DLGAP2: variants seen among roughly 807,000 people sequenced by gnomAD.
DLGAP2 encodes DLG associated protein 2, also known as disks large-associated protein 2.
In DLGAP2, 26 loss-of-function variants were observed where a neutral mutation model predicts 100.3. The observed-to-expected ratio is 0.26, with a 90% CI of 0.19 to 0.36. DLGAP2 has a LOEUF of 0.36. DLGAP2 is among the 10% of genes least tolerant of loss of function. DLGAP2 has a pLI of 1.00. For synonymous variants in DLGAP2, 886 were observed against 630.1 expected, an observed-to-expected ratio of 1.41 and a Z score of -6.08; for missense variants, 1,858 against 1,453.2, an observed-to-expected ratio of 1.28 and a Z score of -4.53.
At chr8:1,495,058 T>A (rs111289434) in intron 3 of DLGAP2, among the ~76,000 whole-genome samples, 1 of 152,178 alleles carries the variant, frequency 6.6e-6, no homozygotes, top group Non-Finnish European at 1.5e-5. Context: ...TAATGAGGCA[T>A]TGCCAGGACC....
chr8:1,092,036 G>A (rs1380742705), intron 2 of DLGAP2, among the ~76,000 whole-genome samples: 2 of 152,226 alleles, frequency 1.3e-5, no homozygotes, highest in Non-Finnish European at 2.9e-5. Context: ...AGAGAGCAGC[G>A]TGTTTGAACT....
intron 1 of DLGAP2, among the ~76,000 whole-genome samples, chr8:844,845 C>G (rs577585822): frequency 5.9e-4 from 90 of 152,290 alleles, no homozygotes; most frequent in African/African-American, 1.9e-3. Flanking sequence ...TGCCTCCTCC[C>G]CAGGCCAGGC....
chr8:1,119,325 C>A (rs1029162468), intron 2 of DLGAP2, among the ~76,000 whole-genome samples: 4 of 152,206 alleles, frequency 2.6e-5, no homozygotes, highest in Non-Finnish European at 5.9e-5. Flanking sequence ...TAGTGTCCAG[C>A]GTGTTTAGCT....
intron 2 of DLGAP2, among the ~76,000 whole-genome samples, chr8:1,182,772 G>A (rs915292712): frequency 2.6e-5 from 4 of 152,196 alleles, no homozygotes; most frequent in Admixed American, 6.5e-5. Context: ...CGAGTCCAGC[G>A]CGCATGTGAG....
chr8:1,049,816 G>T (rs766201511), intron 2 of DLGAP2, among the ~76,000 whole-genome samples: 1 of 152,178 alleles, frequency 6.6e-6, no homozygotes, highest in Non-Finnish European at 1.5e-5. Context: ...GTGTGCATAC[G>T]TGTACACATA....
intron 3 of DLGAP2, among the ~76,000 whole-genome samples, chr8:1,452,292 G>A (rs1798184605): frequency 1.3e-5 from 2 of 152,226 alleles, no homozygotes; most frequent in South Asian, 4.1e-4. Context: ...TGGGCGCTCT[G>A]TTGCACAGTG....
At chr8:1,085,186 C>T (rs935517634) in intron 2 of DLGAP2, among the ~76,000 whole-genome samples, 2 of 152,188 alleles carry the variant, frequency 1.3e-5, no homozygotes, top group African/African-American at 4.8e-5. Flanking sequence ...TGTTCAGGTA[C>T]CTTGCCCATT....
intron 1 of DLGAP2, among the ~76,000 whole-genome samples, chr8:828,694 G>A (rs1008508682): frequency 2.0e-5 from 3 of 152,172 alleles, no homozygotes; most frequent in African/African-American, 7.2e-5. Flanking sequence ...TACTGATTGG[G>A]GAAGTGATAA....
intron 1 of DLGAP2, among the ~76,000 whole-genome samples, chr8:901,559 G>A (rs775092863): frequency 5.3e-5 from 8 of 152,202 alleles, no homozygotes; most frequent in Non-Finnish European, 1.0e-4. Context: ...AAATGATCAC[G>A]GTGAGATGTG....
intron 7 of DLGAP2, among the ~76,000 whole-genome samples, chr8:1,628,542 C>G (rs1797565425): frequency 6.6e-6 from 1 of 151,132 alleles, no homozygotes; most frequent in Admixed American, 6.6e-5. Context: ...CACATTCTGT[C>G]TGACTTACTG....
chr8:850,177 C>G (rs1199208206), intron 1 of DLGAP2, among the ~76,000 whole-genome samples: 2 of 152,154 alleles, frequency 1.3e-5, no homozygotes, highest in Admixed American at 1.3e-4. Flanking sequence ...ATATCTCCCC[C>G]ACCTTTGCGT....
At chr8:1,539,013 G>A (rs1323399046) in intron 4 of DLGAP2, among the ~76,000 whole-genome samples, 1 of 151,536 alleles carries the variant, frequency 6.6e-6, no homozygotes, top group East Asian at 1.9e-4. Context: ...GGCCTCCTGA[G>A]TAGCTGGGAT....
chr8:1,235,409 C>A (rs1239098250), intron 2 of DLGAP2, among the ~76,000 whole-genome samples: 1 of 151,516 alleles, frequency 6.6e-6, no homozygotes, highest in East Asian at 2.0e-4. Flanking sequence ...TTCTCTCTCA[C>A]GTGGCATCGT....
intron 3 of DLGAP2, among the ~76,000 whole-genome samples, chr8:1,418,680 C>A (rs2129923638): frequency 6.6e-6 from 1 of 152,254 alleles, no homozygotes; most frequent in South Asian, 2.1e-4. Context: ...CACGCCAATA[C>A]TTCTGGCCAC....
At chr8:1,357,511 T>C (rs1038443154) in intron 3 of DLGAP2, among the ~76,000 whole-genome samples, 5 of 151,946 alleles carry the variant, frequency 3.3e-5, no homozygotes, top group African/African-American at 1.2e-4. Context: ...AGAATATTAA[T>C]ACCATCTGTA....
At chr8:1,601,470 C>T (rs897289820) in intron 6 of DLGAP2, among the ~76,000 whole-genome samples, 5 of 152,214 alleles carry the variant, frequency 3.3e-5, no homozygotes, top group Non-Finnish European at 7.3e-5. Flanking sequence ...AAGCTGCACC[C>T]ACAGCCGCCC....
chr8:1,616,310 T>C lies in DLGAP2; in HGVS notation c.1443-10430T>C, dbSNP rs899207443. 3.9e-5 allele frequency among the ~76,000 whole-genome samples: 6 copies of C among 152,118 alleles called. No homozygotes were observed. The South Asian group carries it at 1.2e-3, about 32-fold the overall frequency. ...ATAATTAGAGAACCAGGGAGAAAACTGAGAGAATTTGGCAGAAGGTTTTGA... is the reference window on the plus strand; with the variant it reads ...ATAATTAGAGAACCAGGGAGAAAACCGAGAGAATTTGGCAGAAGGTTTTGA... On this transcript the variant is annotated intron_variant, in intron 6 of 14. Coordinates refer to ENST00000637795, the MANE Select transcript of DLGAP2 (RefSeq NM_001346810.2).
intron 2 of DLGAP2, among the ~76,000 whole-genome samples, chr8:1,243,637 T>C (rs1325484604): frequency 1.3e-5 from 2 of 152,126 alleles, no homozygotes; most frequent in African/African-American, 4.8e-5. Flanking sequence ...CTAAAGAGGA[T>C]TCATGGCACG....
rs189221329 is a variant in DLGAP2, at chr8:1,630,098, C to T, written c.1591-2729C>T. Among the ~76,000 whole-genome samples, 223 of 152,042 alleles carry T rather than the reference C, an allele frequency of 1.5e-3. 2 individuals are homozygous for T. The highest frequency in any genetic ancestry group is 4.4e-3 in the African/African-American group (184 of 41,462). On this transcript the variant is annotated intron_variant, in intron 7 of 14. Transcript: ENST00000637795. ...TTCTAAGTCATTCCTATGCAGAGTT[C>T]TATGGCATTACTTTAAATTGAACTC...
Sources: allele counts gnomAD v4.1 joint callset (sites outside exome capture counted in the v4.1 genomes callset), GRCh38; gene constraint gnomAD v4.1.1; transcripts MANE v1.5; gene names NCBI Gene and HGNC (gene_info 2026-07-23, HGNC 2026-07-21).